The following DNAH3 variants were observed in gnomAD, a reference collection of about 807,000 sequenced individuals.
The protein encoded by DNAH3 is axonemal beta dynein heavy chain 3.
A neutral mutation model predicts 432.5 loss-of-function variants in DNAH3; 332 were observed. The ratio of observed to expected loss-of-function variants is 0.77; its 90% confidence interval spans 0.70 to 0.84. The LOEUF (loss-of-function observed/expected upper bound fraction) is 0.84, where lower values mean the gene tolerates loss of function less well. DNAH3 is among the 40% of genes least tolerant of loss of function. DNAH3 has a pLI of 0.00. For missense variants in DNAH3, 4,861 were observed against 5,114.0 expected, an observed-to-expected ratio of 0.95 and a Z score of 1.51; for synonymous variants, 1,956 against 1,900.2, an observed-to-expected ratio of 1.03 and a Z score of -0.76.
intron 44 of DNAH3, among the ~76,000 whole-genome samples, chr16:20,994,531 C>T (rs780797671): frequency 9.9e-5 from 15 of 152,104 alleles, no homozygotes; most frequent in African/African-American, 1.9e-4. Context: ...TTTAAGTGTA[C>T]GGTTCAGAGG....
chr16:21,073,513 G>T (rs1198659390), intron 21 of DNAH3, among the ~76,000 whole-genome samples: 1 of 144,694 alleles, frequency 6.9e-6, no homozygotes, highest in African/African-American at 2.6e-5. Context: ...ATCAGATCAT[G>T]TATAGTTCTG....
chr16:21,067,756 T>TTGAGGGGGGGG (rs1399306683), intron 23 of DNAH3, among the ~76,000 whole-genome samples: 1 of 13,668 alleles, frequency 7.3e-5, no homozygotes, highest in Non-Finnish European at 1.3e-4. Flanking sequence ...AAAGCCAGTC[T>TTGAGGGGGGGG]TGGGGGGGGG....
chr16:20,963,961 A>G (rs775743554), exon 53 of DNAH3: 23 of 1,614,014 alleles, frequency 1.4e-5, no homozygotes, highest in Non-Finnish European at 1.9e-5. Flanking sequence ...CAGGTCCGAG[A>G]TACAAAAGAA....
chr16:21,114,979 C>T (rs1200579265), intron 12 of DNAH3, among the ~76,000 whole-genome samples: 1 of 152,148 alleles, frequency 6.6e-6, no homozygotes, highest in Admixed American at 6.6e-5. Context: ...ATAGCAAAGA[C>T]TTGGAACAAA....
intron 1 of DNAH3, among the ~76,000 whole-genome samples, chr16:21,151,394 C>T (rs1396224079): frequency 6.7e-6 from 1 of 149,756 alleles, no homozygotes; most frequent in African/African-American, 2.5e-5. Context: ...GATCTCAGCT[C>T]ACTGCAAGCT....
Position 20,969,981 on chromosome 16 carries a change from CA to C in DNAH3, c.8268del (p.Cys2756TrpfsTer5). ...GGCATTGCCTCAGCTAGGTCCCCCT[CA>C]CATTCGTTCTGTGGGCGGCATGAGG... On this transcript the variant is annotated frameshift_variant, in exon 52 of 62. Transcript: ENST00000261383. LOFTEE classifies it high-confidence loss of function. 1 of 1,613,954 alleles carries C rather than the reference CA, an allele frequency of 6.2e-7. No homozygotes were observed. The highest frequency in any genetic ancestry group is 8.5e-7 in the Non-Finnish European group (1 of 1,180,030).
chr16:21,042,163 A>T, exon 32 of DNAH3: 1 of 1,612,036 alleles, frequency 6.2e-7, no homozygotes, highest in Non-Finnish European at 8.5e-7. Flanking sequence ...GGCTTGTTGG[A>T]TGCTGAGGAT....
At chr16:20,988,828 C>A (rs188363995) in intron 44 of DNAH3, among the ~76,000 whole-genome samples, 2 of 151,768 alleles carry the variant, frequency 1.3e-5, no homozygotes, top group Non-Finnish European at 2.9e-5. Context: ...CGAATGTGTT[C>A]GGAGTTTTTT....
chr16:21,141,102 G>T (rs1202289757), intron 4 of DNAH3, among the ~76,000 whole-genome samples, 198 bp downstream of exon 5: 2 of 151,846 alleles, frequency 1.3e-5, no homozygotes, highest in African/African-American at 2.4e-5. Flanking sequence ...TCATGCCACT[G>T]CACTCCAGCC....
intron 50 of DNAH3, 51 bp downstream of exon 50, chr16:20,979,279 T>A (rs2085742159): frequency 6.4e-7 from 1 of 1,574,418 alleles, no homozygotes; most frequent in African/African-American, 1.4e-5. Flanking sequence ...CCTCGGCACA[T>A]CCACCTCGTC....
chr16:21,151,831 A>G (rs1041424482), intron 1 of DNAH3, among the ~76,000 whole-genome samples: 6 of 152,204 alleles, frequency 3.9e-5, no homozygotes, highest in Admixed American at 3.3e-4. Context: ...CTCAAAACCA[A>G]GTTAGACTTA....
intron 24 of DNAH3, among the ~76,000 whole-genome samples, chr16:21,066,035 C>G (rs913541510): frequency 2.0e-5 from 3 of 152,060 alleles, no homozygotes; most frequent in African/African-American, 7.2e-5. Flanking sequence ...ACATGTTGGC[C>G]AGGCTGGTCT....
chr16:20,970,766 A>G (rs2085302391), intron 51 of DNAH3, among the ~76,000 whole-genome samples: 1 of 152,158 alleles, frequency 6.6e-6, no homozygotes, highest in Admixed American at 6.5e-5. Context: ...GACCAATGTA[A>G]GCAAACCATT....
chr16:21,021,121 T>C (rs1434629426), intron 40 of DNAH3, among the ~76,000 whole-genome samples: 1 of 152,256 alleles, frequency 6.6e-6, no homozygotes, highest in African/African-American at 2.4e-5. Flanking sequence ...ACATTTTGCT[T>C]ATTTGTTCAT....
chr16:21,088,570 T>C (rs1359959193), intron 18 of DNAH3, among the ~76,000 whole-genome samples: 5 of 152,216 alleles, frequency 3.3e-5, no homozygotes, highest in African/African-American at 1.2e-4. Flanking sequence ...CCAGGGATTT[T>C]AGACACTGCT....
At chr16:21,081,609 T>C (rs1349908825) in intron 20 of DNAH3, 27 bp downstream of exon 20, 3 of 1,589,298 alleles carry the variant, frequency 1.9e-6, no homozygotes, top group East Asian at 2.2e-5. Flanking sequence ...ACCAAAACCT[T>C]ATCTGAAGGA....
intron 12 of DNAH3, 139 bp downstream of exon 12, chr16:21,117,064 T>C: frequency 1.6e-6 from 1 of 606,418 alleles, no homozygotes; most frequent in East Asian, 2.9e-5. Flanking sequence ...TAAATAGTAA[T>C]ACTCATGTAA....
intron 25 of DNAH3, among the ~76,000 whole-genome samples, chr16:21,061,027 C>T (rs1212177131): frequency 2.0e-5 from 3 of 150,764 alleles, no homozygotes; most frequent in Non-Finnish European, 3.0e-5. Flanking sequence ...TCTGTAGAGC[C>T]GTGGTCTCTC....
chr16:21,153,328 C>G (rs1056893151), intron 1 of DNAH3, among the ~76,000 whole-genome samples: 1 of 152,148 alleles, frequency 6.6e-6, no homozygotes, highest in African/African-American at 2.4e-5. Flanking sequence ...CCAATCCACA[C>G]TCTGTATCTA....
Sources: gnomAD v4.1 joint callset for allele counts (sites outside exome capture counted in the v4.1 genomes callset) on GRCh38, gnomAD v4.1.1 for gene constraint, MANE v1.5 for transcripts, NCBI Gene and HGNC (gene_info 2026-07-23, HGNC 2026-07-21) for gene names.